GALNT14: variants seen among roughly 807,000 people sequenced by gnomAD.
GALNT14 encodes the protein UDP-GalNAc:polypeptide N-acetylgalactosaminyltransferase 14.
GALNT14 carries 60 observed loss-of-function variants against 77.5 expected under a neutral mutation model. That is an observed-to-expected ratio of 0.77 (90% CI 0.63 to 0.96). The LOEUF is 0.96. GALNT14 is among the 40% of genes least tolerant of loss of function. The pLI is 0.00. For missense variants in GALNT14, 710 were observed against 731.0 expected, an observed-to-expected ratio of 0.97 and a Z score of 0.33; for synonymous variants, 280 against 281.7, an observed-to-expected ratio of 0.99 and a Z score of 0.06.
At chr2:31,016,066 G>A (rs141340230) in intron 1 of GALNT14, among the ~76,000 whole-genome samples, 6 of 152,204 alleles carry the variant, frequency 3.9e-5, no homozygotes, top group Admixed American at 2.0e-4. Context: ...GGATCCGCTC[G>A]GGCTACCATC....
In GALNT14 at chr2:30,992,931, A is replaced by G. The variant is rs1296692660; in HGVS notation, c.206T>C (p.Val69Ala). The G allele has an allele frequency of 1.2e-6, 2 of 1,614,008 alleles. No individual in the cohort carries two copies. Among genetic ancestry groups the G allele is most frequent in the African/African-American group, 2.7e-5 (2 of 74,888 alleles). ...RRYLNAKKWRVGDDPYKLYAF... is the reference protein window; with the variant it reads ...RRYLNAKKWRAGDDPYKLYAF... ...ATACAGCTTATAGGGGTCGTCACCA[A>G]CGCGCCACTTTTTGGCATTCAGATA... Residue 69 changes from valine to alanine, a missense_variant, in exon 2 of 15, where the codon GTT becomes GCT. Val to Ala is a moderately conservative substitution (Grantham distance 64). Coordinates refer to ENST00000349752, the MANE Select transcript of GALNT14 (RefSeq NM_024572.4).
At chr2:31,047,713 A>AT (rs904964663) in intron 1 of GALNT14, among the ~76,000 whole-genome samples, 1 of 152,190 alleles carries the variant, frequency 6.6e-6, no homozygotes, top group Non-Finnish European at 1.5e-5. Context: ...CCAGGAGAGC[A>AT]TTTTCAAGAC....
At chr2:31,022,247 G>A (rs1419360154) in intron 1 of GALNT14, among the ~76,000 whole-genome samples, 1 of 152,208 alleles carries the variant, frequency 6.6e-6, no homozygotes, top group African/African-American at 2.4e-5. Flanking sequence ...AATAATGACA[G>A]GCAGATCAAA....
intron 1 of GALNT14, among the ~76,000 whole-genome samples, chr2:31,087,536 A>AGAGGAGAAGAGGGGAGAGGAGAGGCGAGG (rs1160670621): frequency 6.6e-6 from 1 of 150,406 alleles, no homozygotes; most frequent in African/African-American, 2.4e-5. Flanking sequence ...CGAGGAGAGG[A>AGAGGAGAAGAGGGGAGAGGAGAGGCGAGG]AGACCTCTAG....
At chr2:31,014,394 C>T (rs1454305732) in intron 1 of GALNT14, among the ~76,000 whole-genome samples, 1 of 152,172 alleles carries the variant, frequency 6.6e-6, no homozygotes, top group Non-Finnish European at 1.5e-5. Flanking sequence ...GAAGCCCCTC[C>T]CACAGAGAGG....
At chr2:30,951,048 C>G (rs1376645045) in intron 6 of GALNT14, among the ~76,000 whole-genome samples, 2 of 152,172 alleles carry the variant, frequency 1.3e-5, no homozygotes, top group Admixed American at 6.5e-5. Flanking sequence ...TATGAGCCAG[C>G]AGCAATTCAC....
At chr2:31,120,252 T>C (rs1244201357) in intron 1 of GALNT14, among the ~76,000 whole-genome samples, 2 of 152,206 alleles carry the variant, frequency 1.3e-5, no homozygotes, top group East Asian at 1.9e-4. Flanking sequence ...GTATATATAA[T>C]GTGATCAATC....
At chr2:30,976,878 C>T (rs1269855295) in intron 2 of GALNT14, among the ~76,000 whole-genome samples, 1 of 152,108 alleles carries the variant, frequency 6.6e-6, no homozygotes, top group Admixed American at 6.5e-5. Context: ...TTTCAGCCTG[C>T]ACAGTAACTC....
At chr2:31,094,411 C>A (rs573118121) in intron 1 of GALNT14, among the ~76,000 whole-genome samples, 1 of 152,220 alleles carries the variant, frequency 6.6e-6, no homozygotes, top group African/African-American at 2.4e-5. Flanking sequence ...TTATTGCTCA[C>A]GCAAAGCCTG....
the GALNT14 span, among the ~76,000 whole-genome samples, chr2:30,896,417 T>G: frequency 6.6e-6 from 1 of 152,214 alleles, no homozygotes; most frequent in Non-Finnish European, 1.5e-5. Context: ...AGTGGACTTC[T>G]TGGACTTGAA....
At chr2:30,939,947 A>G (rs1330188835) in intron 9 of GALNT14, among the ~76,000 whole-genome samples, 2 of 151,720 alleles carry the variant, frequency 1.3e-5, no homozygotes, top group Non-Finnish European at 2.9e-5. Flanking sequence ...GACACTGTCC[A>G]CGTGACACAG....
chr2:31,005,320 G>A (rs1490609274), intron 1 of GALNT14, among the ~76,000 whole-genome samples: 2 of 152,100 alleles, frequency 1.3e-5, no homozygotes, highest in Admixed American at 1.3e-4. Flanking sequence ...GCAGCCCCAG[G>A]GATGACTCCT....
At chr2:31,039,056 T>C (rs1248675680) in intron 1 of GALNT14, among the ~76,000 whole-genome samples, 1 of 152,238 alleles carries the variant, frequency 6.6e-6, no homozygotes, top group Non-Finnish European at 1.5e-5. Flanking sequence ...TTCAGCCATC[T>C]TTCTTAAACA....
chr2:30,987,260 T>A (rs568936757), intron 2 of GALNT14, among the ~76,000 whole-genome samples: 2 of 152,084 alleles, frequency 1.3e-5, no homozygotes, highest in Non-Finnish European at 2.9e-5. Context: ...CAAATGCATG[T>A]AAGGGGTGAG....
At chr2:30,899,781 G>C in the GALNT14 span, among the ~76,000 whole-genome samples, 1 of 152,212 alleles carries the variant, frequency 6.6e-6, no homozygotes, top group Admixed American at 6.5e-5. Context: ...AGTGCTCAGA[G>C]CTTTGGAGTC....
chr2:30,987,743 A>G (rs1319873946), intron 2 of GALNT14, among the ~76,000 whole-genome samples: 1 of 32,664 alleles, frequency 3.1e-5, no homozygotes, highest in South Asian at 1.1e-3. Context: ...CTCCTCCCCC[A>G]CCTGCTGCCT....
chr2:31,125,839 C>T (rs1466333697), intron 1 of GALNT14, among the ~76,000 whole-genome samples: 1 of 152,156 alleles, frequency 6.6e-6, no homozygotes, highest in Non-Finnish European at 1.5e-5. Context: ...AAATACAGGA[C>T]GATTCCTCTC....
intron 1 of GALNT14, among the ~76,000 whole-genome samples, chr2:31,049,586 T>C (rs1316186540): frequency 6.6e-6 from 1 of 151,660 alleles, no homozygotes; most frequent in African/African-American, 2.4e-5. Context: ...GGGGTGAGGG[T>C]GGAGGTCAGA....
intron 9 of GALNT14, among the ~76,000 whole-genome samples, chr2:30,932,443 T>C (rs1362607251): frequency 6.6e-6 from 1 of 152,216 alleles, no homozygotes; most frequent in Non-Finnish European, 1.5e-5. Context: ...CTGGAGCATA[T>C]TCAGGGGCCA....
Sources: allele counts gnomAD v4.1 joint callset (sites outside exome capture counted in the v4.1 genomes callset), GRCh38; gene constraint gnomAD v4.1.1; transcripts MANE v1.5; gene names NCBI Gene and HGNC (gene_info 2026-07-23, HGNC 2026-07-21).